The following SCARA3 variants were observed in gnomAD, a reference collection of about 807,000 sequenced individuals.
SCARA3 encodes the protein cellular stress response gene protein.
SCARA3 carries 39 observed loss-of-function variants against 47.0 expected under a neutral mutation model. The ratio of observed to expected loss-of-function variants is 0.83; its 90% CI spans 0.64 to 1.08. The LOEUF is 1.08. Among genes scored for constraint, SCARA3 ranks in the 50% least tolerant of loss-of-function variants. The pLI, the probability that SCARA3 is intolerant of heterozygous loss-of-function variation, is 0.00. For missense variants in SCARA3, 724 were observed against 792.3 expected (o/e 0.91, Z 1.04); for synonymous variants, 356 against 334.1 (o/e 1.07, Z -0.71).
In SCARA3 at chr8:27,658,685, G is replaced by A. The variant is rs1801814390; in HGVS notation, c.515G>A (p.Gly172Asp). The change falls in exon 5 of 6, where the codon GGC becomes GAC. Residue 172 changes from glycine to aspartate, a missense_variant. By Grantham distance (94) the Gly-to-Asp change is moderately conservative. Transcript: ENST00000301904. ...TTSRQISQEM[G>D]SCSFSIHQVN... ...AGCAGACAAATCTCCCAGGAGATGGGCAGTTGCTCCTTCTCCATCCACCAG... is the reference window on the plus strand; with the variant it reads ...AGCAGACAAATCTCCCAGGAGATGGACAGTTGCTCCTTCTCCATCCACCAG... 11 of 1,613,946 alleles carry A rather than the reference G, an allele frequency of 6.8e-6. No individual in the cohort carries two copies. Among genetic ancestry groups the A allele is most frequent in the Non-Finnish European group, 8.5e-6 (10 of 1,179,980 alleles).
chr8:27,730,698 C>G, the SCARA3 span, among the ~76,000 whole-genome samples: 1 of 151,872 alleles, frequency 6.6e-6, no homozygotes, highest in Non-Finnish European at 1.5e-5. Context: ...CCACGTTGCC[C>G]AGGCTGGTCT....
At position 27,671,444 on chromosome 8, in the gene SCARA3, G is replaced by C; in HGVS notation, c.*93G>C. ...AAAGCCTCACCTACAGACAGCTGTG[G>C]TCCTCTGATTCCAATGAGGGGGCTC... On this transcript the variant is annotated 3_prime_UTR_variant, in exon 6 of 6. Transcript: ENST00000301904. The C allele has an allele frequency of 7.5e-7, 1 of 1,326,450 alleles. No individual in the cohort carries two copies. Among genetic ancestry groups the C allele is most frequent in the Non-Finnish European group, 9.6e-7 (1 of 1,044,000 alleles). The allele number at this position is 1,326,450 out of a possible 1,614,324, so 82.2% of individuals were successfully genotyped here. A position where few individuals can be genotyped will look rare whatever the true frequency, so the allele number is the denominator to read the frequency against.
At chr8:27,633,806 G>T (rs1003272110), upstream of SCARA3, 1 of 152,372 alleles carries the variant, frequency 6.6e-6, no homozygotes, top group South Asian at 2.0e-4. Flanking sequence ...CGAGGAGGGA[G>T]GGAGGCTTGC....
At chr8:27,674,603 T>C (rs1181265929), downstream of SCARA3, among the ~76,000 whole-genome samples, 1 of 152,040 alleles carries the variant, frequency 6.6e-6, no homozygotes, top group East Asian at 1.9e-4. Flanking sequence ...CATTGAGTGG[T>C]AACAGCCATT....
Position 27,671,804 on chromosome 8 carries a change from C to G in SCARA3, c.*453C>G. Reference sequence around the variant, plus strand: ...TGCACTGCACACATATCCATGCACACAAACACATATATACACATGCACATA... The same window carrying G: ...TGCACTGCACACATATCCATGCACAGAAACACATATATACACATGCACATA... On this transcript the variant is annotated 3_prime_UTR_variant, in exon 6 of 6. Coordinates refer to ENST00000301904, the MANE Select transcript of SCARA3 (RefSeq NM_016240.3). The G allele has an allele frequency of 2.0e-6, 2 of 989,126 alleles. No homozygotes were observed. Among genetic ancestry groups the G allele is most frequent in the Non-Finnish European group, 2.4e-6 (2 of 832,494 alleles). 61.3% of individuals were successfully genotyped at this position (989,126 alleles called of 1,614,324 possible).
chr8:27,720,130 T>C, the SCARA3 span, among the ~76,000 whole-genome samples: 32 of 151,308 alleles, frequency 2.1e-4, no homozygotes, highest in African/African-American at 7.2e-4. Flanking sequence ...ATGGAGATTA[T>C]AGGAGATGTG....
chr8:27,637,557 C>T lies in SCARA3; in HGVS notation c.7+3350C>T, dbSNP rs543539534. The stretch of plus-strand genomic sequence containing the variant: ...TGGTCCCTGAGGCCCAAGAGCTCTG[C>T]GCCTGAGCACCACTTGGGGAGCGGA... On this transcript the variant is annotated intron_variant, in intron 1 of 5. Transcript: ENST00000301904. Among the ~76,000 whole-genome samples the T allele has an allele frequency of 6.6e-5, 10 of 152,250 alleles. No individual in the cohort carries two copies. In the East Asian group the frequency reaches 7.8e-4, roughly 12 times the overall value.
chr8:27,642,212 C>T (rs1262348603), intron 1 of SCARA3, among the ~76,000 whole-genome samples: 1 of 152,150 alleles, frequency 6.6e-6, no homozygotes, highest in African/African-American at 2.4e-5. Context: ...TTTTGAAACA[C>T]TGATTTCTTG....
downstream of SCARA3, among the ~76,000 whole-genome samples, chr8:27,677,682 C>A (rs982730602): frequency 6.6e-6 from 1 of 152,168 alleles, no homozygotes; most frequent in Non-Finnish European, 1.5e-5. Flanking sequence ...AAGACTTGAA[C>A]ATTACTGTGG....
chr8:27,706,777 G>A, the SCARA3 span, among the ~76,000 whole-genome samples: 2 of 152,130 alleles, frequency 1.3e-5, no homozygotes, highest in African/African-American at 4.8e-5. Context: ...GGTGGGAGGA[G>A]TCGGGACTAT....
downstream of SCARA3, among the ~76,000 whole-genome samples, chr8:27,674,814 C>T (rs1023306501): frequency 4.6e-5 from 7 of 150,958 alleles, no homozygotes; most frequent in African/African-American, 9.7e-5. Context: ...CTGCAACCTC[C>T]GCCTCCTGGG....
chr8:27,671,813 A>G lies in SCARA3; in HGVS notation c.*462A>G. On this transcript the variant is annotated 3_prime_UTR_variant, in exon 6 of 6. Coordinates refer to ENST00000301904, the MANE Select transcript of SCARA3 (RefSeq NM_016240.3). ...CACATATCCATGCACACAAACACAT[A>G]TATACACATGCACATACACAGATTT... is the stretch of plus-strand genomic sequence containing the variant. 3.0e-6 allele frequency: 3 copies of G among 986,974 alleles called. No individual in the cohort carries two copies. Among genetic ancestry groups the G allele is most frequent in the Non-Finnish European group, 3.6e-6 (3 of 830,952 alleles). 61.1% of individuals were successfully genotyped at this position (986,974 alleles called of 1,614,324 possible).
chr8:27,644,074 TAAAAAA>T (rs564004725), intron 1 of SCARA3, among the ~76,000 whole-genome samples: 1 of 144,922 alleles, frequency 6.9e-6, no homozygotes, highest in African/African-American at 2.5e-5. Flanking sequence ...AGAGCAGACT[TAAAAAA>T]AAAAAAGGAA....
At chr8:27,654,866 C>T (rs950780927) in intron 3 of SCARA3, among the ~76,000 whole-genome samples, 4 of 151,952 alleles carry the variant, frequency 2.6e-5, no homozygotes, top group African/African-American at 7.3e-5. Flanking sequence ...GAGTGAGCCT[C>T]GGCTGTTGGC....
At chr8:27,720,839 G>GGCA in the SCARA3 span, among the ~76,000 whole-genome samples, 4 of 148,648 alleles carry the variant, frequency 2.7e-5, no homozygotes, top group Middle Eastern at 3.6e-3. Context: ...TATCCATCCA[G>GGCA]TCATCCATCC....
the SCARA3 span, among the ~76,000 whole-genome samples, chr8:27,720,385 G>A: frequency 6.6e-6 from 1 of 152,030 alleles, no homozygotes; most frequent in Non-Finnish European, 1.5e-5. Context: ...AGATTGGTCT[G>A]GGAAGGGGCT....
At chr8:27,677,013 C>T (rs1802288199), downstream of SCARA3, among the ~76,000 whole-genome samples, 1 of 152,124 alleles carries the variant, frequency 6.6e-6, no homozygotes, top group African/African-American at 2.4e-5. Flanking sequence ...CTTGCTTGTT[C>T]CCCATCATCC....
At chr8:27,731,083 C>T in the SCARA3 span, among the ~76,000 whole-genome samples, 32 of 149,100 alleles carry the variant, frequency 2.1e-4, no homozygotes, top group African/African-American at 6.6e-4. Context: ...TTTGTTTACC[C>T]GCTTTTATCT....
chr8:27,660,715 A>G (rs1801889807), intron 5 of SCARA3, among the ~76,000 whole-genome samples: 1 of 151,800 alleles, frequency 6.6e-6, no homozygotes, highest in Non-Finnish European at 1.5e-5. Context: ...AGATAGATAG[A>G]TAGATAGATA....
Sources: allele counts gnomAD v4.1 joint callset (sites outside exome capture counted in the v4.1 genomes callset), GRCh38; gene constraint gnomAD v4.1.1; transcripts MANE v1.5; gene names NCBI Gene and HGNC (gene_info 2026-07-23, HGNC 2026-07-21).